The following LMBR1L variants were observed in gnomAD, a reference collection of about 807,000 sequenced individuals.
LMBR1L encodes protein LMBR1L.
In LMBR1L, 47 loss-of-function variants were observed where a neutral mutation model predicts 67.3. The observed-to-expected ratio is 0.70, with a 90% CI of 0.55 to 0.89. LMBR1L has a LOEUF of 0.89. Among genes scored for constraint, LMBR1L ranks in the 40% least tolerant of loss-of-function variants. The pLI is 0.00. For missense variants in LMBR1L, 533 were observed against 599.2 expected, an observed-to-expected ratio of 0.89 and a Z score of 1.15; for synonymous variants, 247 against 250.3, an observed-to-expected ratio of 0.99 and a Z score of 0.13.
intron 15 of LMBR1L, among the ~76,000 whole-genome samples, chr12:49,098,767 G>C (rs1480918277): frequency 2.6e-5 from 4 of 152,278 alleles, no homozygotes; most frequent in South Asian, 4.1e-4. Flanking sequence ...AAATGGTAGA[G>C]TGGAAATAAT....
intron 3 of LMBR1L, 115 bp downstream of exon 3, chr12:49,105,809 C>T (rs1007020338): frequency 8.5e-6 from 7 of 826,696 alleles, no homozygotes; most frequent in Non-Finnish European, 1.1e-5. Context: ...GGGGTGGAAA[C>T]AGAAACTCTC....
intron 15 of LMBR1L, among the ~76,000 whole-genome samples, chr12:49,099,595 T>G (rs190885459): frequency 0.018 from 2,787 of 151,888 alleles, 41 homozygotes; most frequent in Non-Finnish European, 0.029. Context: ...TTTTTTTTTT[T>G]TTTGAGATGA....
intron 13 of LMBR1L, chr12:49,100,944 G>C (rs1940093851): frequency 3.6e-6 from 2 of 552,800 alleles, no homozygotes; most frequent in Non-Finnish European, 6.2e-6. Context: ...GCTCAGGCTG[G>C]TCTTGAAATC....
At chr12:49,105,000 AC>A in intron 3 of LMBR1L, 115 bp from the exon 4 acceptor site, 1 of 1,185,712 alleles carries the variant, frequency 8.4e-7, no homozygotes, top group South Asian at 1.5e-5. Flanking sequence ...TGTAGCAATC[AC>A]AGAGCTAAGG....
At position 49,105,907 on chromosome 12, in the gene LMBR1L, G is replaced by A. The variant is rs1940835167; in HGVS notation, c.191+17C>T. ...CTAAAGACCACTGATGTTAGGTGCT[G>A]AGGCAGGGACACTTACGCAATCTTG... On this transcript the variant is annotated intron_variant, in intron 3 of 16. Coordinates refer to ENST00000267102, the MANE Select transcript of LMBR1L (RefSeq NM_018113.4). The A allele has an allele frequency of 6.2e-7, 1 of 1,610,052 alleles. No individual in the cohort carries two copies. Among genetic ancestry groups the A allele is most frequent in the East Asian group, 2.2e-5 (1 of 44,672 alleles).
intron 1 of LMBR1L, chr12:49,110,019 G>A (rs772004582): frequency 3.5e-5 from 16 of 459,094 alleles, no homozygotes; most frequent in South Asian, 2.3e-4. Flanking sequence ...AAGTCCCCAG[G>A]TTCCTCCCGT....
chr12:49,102,227 A>G, intron 10 of LMBR1L, 31 bp from the exon 11 acceptor site: 1 of 1,613,250 alleles, frequency 6.2e-7, no homozygotes, highest in Non-Finnish European at 8.5e-7. Context: ...GTCAGCAAGC[A>G]CCTGGAACCA....
At position 49,103,127 on chromosome 12, in the gene LMBR1L, A is replaced by G. The variant is rs1157790149; in HGVS notation, c.595T>C (p.Ser199Pro). 6.2e-7 allele frequency: 1 copy of G among 1,613,986 alleles called. No individual in the cohort carries two copies. The highest frequency in any genetic ancestry group is 8.5e-7 in the Non-Finnish European group (1 of 1,179,990). Residue 199 changes from serine (S) to proline (P), a missense_variant, in exon 7 of 17, where the codon TCA becomes CCA. Ser to Pro is a moderately conservative substitution (Grantham distance 74, BLOSUM62 -1). This residue lies in a region of LMBR1L where 246 missense variants were observed against 249.0 expected (regional missense o/e 0.99). Coordinates refer to ENST00000267102, the MANE Select transcript of LMBR1L (RefSeq NM_018113.4). ...AGAACCCCAAGGAAGGAGATGCATG[A>G]GTAGAGGTAGGGGAGATAGTACTCC... The part of the protein sequence containing the change: ...FWEYYLPYLY[S>P]CISFLGVLLL...
Position 49,102,958 on chromosome 12 carries a change from G to A in LMBR1L, c.632-7C>T. ...AGACCCAGTGGAGTACACACTGTAGGGACAAGAGCCAGTCACTTGCCAGAC... is the reference window on the plus strand; with the variant it reads ...AGACCCAGTGGAGTACACACTGTAGAGACAAGAGCCAGTCACTTGCCAGAC... On this transcript the variant is annotated splice_polypyrimidine_tract_variant and splice_region_variant and intron_variant, in intron 7 of 16. Coordinates refer to ENST00000267102, the MANE Select transcript of LMBR1L (RefSeq NM_018113.4). 1 of 1,613,886 alleles carries A rather than the reference G, an allele frequency of 6.2e-7. No homozygotes were observed. The highest frequency in any genetic ancestry group is 8.5e-7 in the Non-Finnish European group (1 of 1,179,866).
chr12:49,101,846 A>G (rs543108240), intron 11 of LMBR1L: 1 of 577,926 alleles, frequency 1.7e-6, no homozygotes, highest in South Asian at 2.2e-5. Flanking sequence ...CTGAATTTCA[A>G]TGTTTATTAT....
In LMBR1L at chr12:49,105,913, G is replaced by A. The variant is rs774521791; in HGVS notation, c.191+11C>T. On this transcript the variant is annotated intron_variant, in intron 3 of 16. Coordinates refer to ENST00000267102, the MANE Select transcript of LMBR1L (RefSeq NM_018113.4). ...ACCACTGATGTTAGGTGCTGAGGCA[G>A]GGACACTTACGCAATCTTGTTGACG... The A allele has an allele frequency of 6.2e-7, 1 of 1,611,428 alleles. No individual in the cohort carries two copies.
intron 13 of LMBR1L, chr12:49,100,858 G>A: frequency 3.4e-6 from 2 of 582,030 alleles, no homozygotes; most frequent in South Asian, 4.3e-5. Context: ...CTCCCACGTA[G>A]CTGGGAATGC....
intron 5 of LMBR1L, 25 bp from the exon 6 acceptor site, chr12:49,103,838 GA>G (rs1940541099): frequency 6.3e-7 from 1 of 1,598,880 alleles, no homozygotes; most frequent in South Asian, 1.1e-5. Context: ...AACCAGTGAA[GA>G]AGGTTAACAT....
At chr12:49,108,373 C>T (rs1379640035) in intron 1 of LMBR1L, among the ~76,000 whole-genome samples, 2 of 152,064 alleles carry the variant, frequency 1.3e-5, no homozygotes, top group Non-Finnish European at 2.9e-5. Context: ...ACCATCCTGG[C>T]CAACATGGCG....
Position 49,102,203 on chromosome 12 carries a change from A to G in LMBR1L, c.854-7T>C. 2 of 1,614,136 alleles carry G rather than the reference A, an allele frequency of 1.2e-6. No individual in the cohort carries two copies. Among genetic ancestry groups the G allele is most frequent in the Non-Finnish European group, 1.7e-6 (2 of 1,179,986 alleles). ...GAAGCCTTCCGCCTCTTCTCTGTGC[A>G]GGGATGGGAGGCTGTCAGCAAGCAC... is the stretch of plus-strand genomic sequence containing the variant. On this transcript the variant is annotated splice_region_variant and splice_polypyrimidine_tract_variant and intron_variant, in intron 10 of 16. Coordinates refer to ENST00000267102, the MANE Select transcript of LMBR1L (RefSeq NM_018113.4).
At chr12:49,101,153 G>C (rs1940118353) in intron 13 of LMBR1L, 97 bp downstream of exon 13, 2 of 1,610,746 alleles carry the variant, frequency 1.2e-6, no homozygotes. Context: ...GCGTTGCTCA[G>C]AGTCCCAAAG....
intron 3 of LMBR1L, among the ~76,000 whole-genome samples, chr12:49,105,521 G>A (rs1017199764): frequency 1.2e-4 from 19 of 152,156 alleles, no homozygotes; most frequent in Non-Finnish European, 1.3e-4. Context: ...TGGCAGCCTG[G>A]AATATGGGCC....
At chr12:49,105,886 A>C (rs746006046) in intron 3 of LMBR1L, 38 bp downstream of exon 3, 1 of 1,584,260 alleles carries the variant, frequency 6.3e-7, no homozygotes, top group Non-Finnish European at 8.6e-7. Context: ...CAGTTCCTAA[A>C]GACCACTGAT....
At position 49,110,637 on chromosome 12, in the gene LMBR1L, C is replaced by A; in HGVS notation, c.-82G>T. 8.1e-7 allele frequency: 1 copy of A among 1,228,682 alleles called. No homozygotes were observed. 76.1% of individuals were successfully genotyped at this position (1,228,682 alleles called of 1,614,324 possible). Reference sequence around the variant, plus strand: ...GGAGGAAGCCGCCGCCGCCAAGCACCCAGACCCAGCCTAGGGGCCTTTCCT... The same window carrying A: ...GGAGGAAGCCGCCGCCGCCAAGCACACAGACCCAGCCTAGGGGCCTTTCCT... On this transcript the variant is annotated 5_prime_UTR_variant, in exon 1 of 17. Transcript: ENST00000267102.
Sources: allele counts gnomAD v4.1 joint callset (sites outside exome capture counted in the v4.1 genomes callset), GRCh38; gene constraint gnomAD v4.1.1; regional missense constraint gnomAD v4.1.1; transcripts MANE v1.5; gene names NCBI Gene and HGNC (gene_info 2026-07-23, HGNC 2026-07-21).